Variants in RORA observed in about 807,000 individuals in gnomAD.
RORA encodes RAR related orphan receptor A.
Under a neutral mutation model 69.5 loss-of-function variants are expected in RORA, and 7 were observed. The observed-to-expected ratio is 0.10, with a 90% CI of 0.06 to 0.19. The LOEUF (loss-of-function observed/expected upper bound fraction) is 0.19, where lower values mean the gene tolerates loss of function less well. Ranked by LOEUF, RORA falls within the 10% of genes least tolerant of loss-of-function variation. RORA has a pLI of 1.00. For synonymous variants in RORA, 261 were observed against 240.8 expected, an observed-to-expected ratio of 1.08 and a Z score of -0.78; for missense variants, 457 against 663.0, an observed-to-expected ratio of 0.69 and a Z score of 3.41.
chr15:61,067,538 G>A (rs1361092406), intron 1 of RORA, among the ~76,000 whole-genome samples: 1 of 152,118 alleles, frequency 6.6e-6, no homozygotes, highest in Non-Finnish European at 1.5e-5. Context: ...TATGGCAGGT[G>A]GACATGCATC....
intron 1 of RORA, among the ~76,000 whole-genome samples, chr15:61,037,985 C>T (rs1306906839): frequency 6.6e-6 from 1 of 152,044 alleles, no homozygotes; most frequent in Non-Finnish European, 1.5e-5. Context: ...CCTGAGGGAC[C>T]ATCTCTGTCT....
At chr15:60,538,095 G>C (rs940928762) in intron 2 of RORA, among the ~76,000 whole-genome samples, 1 of 152,124 alleles carries the variant, frequency 6.6e-6, no homozygotes, top group South Asian at 2.1e-4. Context: ...ATTTCCCAGG[G>C]TTTTGATGTA....
chr15:60,638,706 G>T (rs1454582523), intron 2 of RORA, among the ~76,000 whole-genome samples: 5 of 152,164 alleles, frequency 3.3e-5, no homozygotes, highest in African/African-American at 9.7e-5. Flanking sequence ...TATTTCTAAA[G>T]CTAATAGGAA....
intron 3 of RORA, chr15:60,529,477 A>G (rs1017273004): frequency 4.6e-5 from 7 of 152,246 alleles, no homozygotes; most frequent in Admixed American, 2.0e-4. Context: ...GTCCCTGGCT[A>G]GGCATAGGCC....
intron 2 of RORA, among the ~76,000 whole-genome samples, chr15:60,659,802 T>A (rs7167716): frequency 6.6e-6 from 1 of 152,218 alleles, no homozygotes; most frequent in Non-Finnish European, 1.5e-5. Context: ...AATCTACCAC[T>A]ATGTTCCCAT....
intron 1 of RORA, among the ~76,000 whole-genome samples, chr15:61,026,334 T>C (rs1040541677): frequency 1.1e-4 from 17 of 152,342 alleles, no homozygotes; most frequent in African/African-American, 4.1e-4. Flanking sequence ...AAGCATATGC[T>C]GCATTGTATA....
chr15:61,099,356 T>C (rs746233838), intron 1 of RORA, among the ~76,000 whole-genome samples: 1 of 152,186 alleles, frequency 6.6e-6, no homozygotes, highest in Non-Finnish European at 1.5e-5. Context: ...TAGATGTCAG[T>C]TCTAATTATC....
At chr15:61,178,234 T>C (rs1165046532) in intron 1 of RORA, among the ~76,000 whole-genome samples, 1 of 152,170 alleles carries the variant, frequency 6.6e-6, no homozygotes, top group East Asian at 1.9e-4. Flanking sequence ...GCTAGCTACA[T>C]CCTGACTTTC....
At chr15:61,073,253 T>A (rs1230230523) in intron 1 of RORA, among the ~76,000 whole-genome samples, 1 of 152,174 alleles carries the variant, frequency 6.6e-6, no homozygotes, top group Non-Finnish European at 1.5e-5. Context: ...TGAGGCAAGG[T>A]AGAGGGCAGG....
At chr15:60,778,925 G>A (rs566543694) in intron 1 of RORA, among the ~76,000 whole-genome samples, 47 of 152,060 alleles carry the variant, frequency 3.1e-4, no homozygotes, top group Admixed American at 1.6e-3. Flanking sequence ...TTCAGGTTTA[G>A]ACACACCCCA....
At position 60,831,848 on chromosome 15, in the gene RORA, C is replaced by T. The variant is rs377392374; in HGVS notation, c.167-153162G>A. 1.4e-4 allele frequency among the ~76,000 whole-genome samples: 21 copies of T among 152,276 alleles called. No individual in the cohort carries two copies. In the East Asian group the frequency reaches 3.9e-3, roughly 28 times the overall value. On this transcript the variant is annotated intron_variant, in intron 1 of 10. Coordinates refer to ENST00000335670, the MANE Select transcript of RORA (RefSeq NM_134261.3). ...GCTGATTAATACTTTTAAAAACAAG[C>T]GAGTAAGGTTCAAGGTTGCCCCTAT...
chr15:60,681,084 G>A (rs1371905264), intron 1 of RORA, among the ~76,000 whole-genome samples: 2 of 152,088 alleles, frequency 1.3e-5, no homozygotes, highest in Admixed American at 6.5e-5. Context: ...ATCAGAAAAT[G>A]TATTGGAATT....
chr15:61,029,288 C>T (rs928067875), intron 1 of RORA, among the ~76,000 whole-genome samples: 2 of 151,976 alleles, frequency 1.3e-5, no homozygotes, highest in Admixed American at 6.6e-5. Flanking sequence ...GGACACATGA[C>T]GAGCACCATT....
At chr15:60,694,826 A>G (rs1567159134) in intron 1 of RORA, among the ~76,000 whole-genome samples, 1 of 152,232 alleles carries the variant, frequency 6.6e-6, no homozygotes, top group Non-Finnish European at 1.5e-5. Flanking sequence ...CTCTAATTTC[A>G]GAGCTGTCAC....
chr15:60,910,073 A>G (rs1192811897), intron 1 of RORA, among the ~76,000 whole-genome samples: 1 of 152,182 alleles, frequency 6.6e-6, no homozygotes, highest in African/African-American at 2.4e-5. Context: ...GAGCCATTCT[A>G]CCCAACATGC....
At chr15:60,792,923 G>T (rs1333539922) in intron 1 of RORA, among the ~76,000 whole-genome samples, 2 of 151,700 alleles carry the variant, frequency 1.3e-5, no homozygotes, top group Non-Finnish European at 2.9e-5. Flanking sequence ...ATCATACTTT[G>T]CCCTATAGTA....
rs180836243 is a variant in RORA, at chr15:60,495,938, A to G, written c.*1517T>C. The G allele has an allele frequency of 6.6e-6, 1 of 152,268 alleles. No homozygotes were observed. Among genetic ancestry groups the G allele is most frequent in the East Asian group, 1.9e-4 (1 of 5,188 alleles). The allele number at this position is 152,268 out of a possible 1,614,324, so 9.4% of individuals were successfully genotyped here. On this transcript the variant is annotated 3_prime_UTR_variant, in exon 11 of 11. Transcript: ENST00000335670. ...ACACACAAGCCAAATAATCTTCTAA[A>G]TATTTAATAAAATAAATTACAGTCC...
chr15:60,991,316 A>T lies in RORA; in HGVS notation c.166+237737T>A, dbSNP rs143795268. ...ATGAATGAAATACCGCAGACAGAAT[A>T]AAGACCGTCGGATTTACTTGGAAAC... On this transcript the variant is annotated intron_variant, in intron 1 of 10. Coordinates refer to ENST00000335670, the MANE Select transcript of RORA (RefSeq NM_134261.3). 4.3e-3 allele frequency among the ~76,000 whole-genome samples: 649 copies of T among 152,324 alleles called. 8 individuals are homozygous for T. Among genetic ancestry groups the T allele is most frequent in the African/African-American group, 0.015 (621 of 41,574 alleles).
chr15:60,524,372 C>G (rs1458751839), intron 3 of RORA, among the ~76,000 whole-genome samples: 1 of 152,186 alleles, frequency 6.6e-6, no homozygotes, highest in Non-Finnish European at 1.5e-5. Flanking sequence ...TAATGGCTCC[C>G]TGCTGATGAC....
Sources: gnomAD v4.1 joint callset for allele counts (sites outside exome capture counted in the v4.1 genomes callset) on GRCh38, gnomAD v4.1.1 for gene constraint, MANE v1.5 for transcripts, NCBI Gene and HGNC (gene_info 2026-07-23, HGNC 2026-07-21) for gene names.